Variants in ADAMTSL1 observed in about 807,000 individuals in gnomAD.
ADAMTSL1 encodes the protein ADAMTS like 1.
In ADAMTSL1, 126 loss-of-function variants were observed where a neutral mutation model predicts 201.8. That is an observed-to-expected ratio of 0.62 (90% confidence interval 0.54 to 0.72). The LOEUF (loss-of-function observed/expected upper bound fraction) is 0.72. Ranked by LOEUF, ADAMTSL1 falls within the 30% of genes least tolerant of loss-of-function variation. The pLI is 0.00. For synonymous variants in ADAMTSL1, 1,121 were observed against 903.4 expected (o/e 1.24, Z -4.32); for missense variants, 2,679 against 2,277.8 (o/e 1.18, Z -3.59).
At chr9:18,424,096 G>C (rs1265109893) in intron 2 of ADAMTSL1, among the ~76,000 whole-genome samples, 1 of 152,208 alleles carries the variant, frequency 6.6e-6, no homozygotes, top group Non-Finnish European at 1.5e-5. Context: ...TGGTATCTCT[G>C]AATGTCTTCT....
At chr9:18,372,781 A>T (rs184836878) in intron 2 of ADAMTSL1, among the ~76,000 whole-genome samples, 67 of 152,344 alleles carry the variant, frequency 4.4e-4, no homozygotes, top group African/African-American at 1.5e-3. Context: ...TCTAAAATAT[A>T]TGCTTTCTGT....
intron 1 of ADAMTSL1, among the ~76,000 whole-genome samples, chr9:18,482,433 C>G (rs1162218779): frequency 6.6e-6 from 1 of 152,210 alleles, no homozygotes. Flanking sequence ...TTCTGCCATT[C>G]TCCAGCTAAA....
At chr9:18,907,775 A>T (rs1170719467) in intron 28 of ADAMTSL1, 1 of 153,410 alleles carries the variant, frequency 6.5e-6, no homozygotes, top group Non-Finnish European at 1.5e-5. Context: ...GAGAGCGCCA[A>T]TATTCAACGC....
intron 21 of ADAMTSL1, among the ~76,000 whole-genome samples, chr9:18,818,405 G>A (rs1823998189): frequency 6.6e-6 from 1 of 152,176 alleles, no homozygotes; most frequent in South Asian, 2.1e-4. Flanking sequence ...ACCCATTTTA[G>A]AGTAAGTAGG....
chr9:18,348,321 C>T (rs1835814860), intron 2 of ADAMTSL1, among the ~76,000 whole-genome samples: 1 of 152,154 alleles, frequency 6.6e-6, no homozygotes, highest in Non-Finnish European at 1.5e-5. Flanking sequence ...GAATCAGCCA[C>T]ATTTGCACAC....
intron 20 of ADAMTSL1, among the ~76,000 whole-genome samples, chr9:18,805,999 C>A (rs1823092212): frequency 6.6e-6 from 1 of 152,184 alleles, no homozygotes; most frequent in Admixed American, 6.5e-5. Context: ...ACTGCCTTAG[C>A]CAAACAGAGA....
intron 4 of ADAMTSL1, among the ~76,000 whole-genome samples, chr9:18,585,482 A>G (rs1374885075): frequency 1.3e-5 from 2 of 152,064 alleles, no homozygotes; most frequent in South Asian, 2.1e-4. Flanking sequence ...ATTCTGTGGG[A>G]TAACTTTATT....
At chr9:18,028,335 A>T (rs1820788340) in intron 1 of ADAMTSL1, among the ~76,000 whole-genome samples, 1 of 152,032 alleles carries the variant, frequency 6.6e-6, no homozygotes, top group Non-Finnish European at 1.5e-5. Flanking sequence ...TTCTCTTGTA[A>T]GGCTGGTGTA....
intron 2 of ADAMTSL1, among the ~76,000 whole-genome samples, chr9:18,288,007 A>G (rs1170528174): frequency 6.6e-6 from 1 of 152,102 alleles, no homozygotes; most frequent in Admixed American, 6.6e-5. Context: ...TCTGCTTTGG[A>G]TCATACCTAG....
At chr9:18,248,823 T>C (rs1399859840) in intron 2 of ADAMTSL1, among the ~76,000 whole-genome samples, 1 of 152,158 alleles carries the variant, frequency 6.6e-6, no homozygotes, top group East Asian at 1.9e-4. Flanking sequence ...GAAAACAAGA[T>C]AGGATTAGGC....
chr9:18,646,675 T>C (rs1469342487), intron 7 of ADAMTSL1, among the ~76,000 whole-genome samples: 2 of 151,610 alleles, frequency 1.3e-5, no homozygotes, highest in African/African-American at 2.4e-5. Flanking sequence ...TGGTTCTGTT[T>C]ATATGCTGGA....
chr9:18,310,333 T>C (rs1365135971), intron 2 of ADAMTSL1, among the ~76,000 whole-genome samples: 1 of 84,008 alleles, frequency 1.2e-5, no homozygotes, highest in Admixed American at 1.7e-4. Flanking sequence ...AAAATTGACA[T>C]ATCGGATCTA....
At chr9:18,055,573 T>C (rs1262889316) in intron 1 of ADAMTSL1, among the ~76,000 whole-genome samples, 1 of 152,270 alleles carries the variant, frequency 6.6e-6, no homozygotes, top group African/African-American at 2.4e-5. Flanking sequence ...TGTTTGCTTT[T>C]CTATGGTTCC....
intron 8 of ADAMTSL1, among the ~76,000 whole-genome samples, chr9:18,661,011 C>T (rs538823489): frequency 2.0e-5 from 3 of 151,944 alleles, no homozygotes; most frequent in Middle Eastern, 3.2e-3. Flanking sequence ...ATGTATTTGG[C>T]AGATTGATTA....
intron 2 of ADAMTSL1, among the ~76,000 whole-genome samples, chr9:18,197,190 A>G (rs1312922617): frequency 2.0e-5 from 3 of 152,110 alleles, no homozygotes; most frequent in Admixed American, 6.6e-5. Context: ...GGCTTCTTTA[A>G]AGTAGTTTTT....
intron 1 of ADAMTSL1, among the ~76,000 whole-genome samples, chr9:17,965,673 A>G (rs540954747): frequency 6.6e-5 from 10 of 152,288 alleles, no homozygotes; most frequent in African/African-American, 2.2e-4. Flanking sequence ...TATGACTAAA[A>G]GGAGATTATT....
At chr9:18,831,367 C>T (rs7858656) in intron 23 of ADAMTSL1, among the ~76,000 whole-genome samples, 33,035 of 152,092 alleles carry the variant, frequency 0.22, 3,863 homozygotes, top group Non-Finnish European at 0.24. Flanking sequence ...ATTTTAGAAT[C>T]ACTATGAGAA....
chr9:18,123,892 C>T (rs1004020733), intron 1 of ADAMTSL1, among the ~76,000 whole-genome samples: 1 of 152,214 alleles, frequency 6.6e-6, no homozygotes, highest in East Asian at 1.9e-4. Context: ...ACAGTGACAG[C>T]ACAATTTTAC....
At chr9:18,761,730 C>G (rs1018508955) in intron 16 of ADAMTSL1, among the ~76,000 whole-genome samples, 2 of 152,166 alleles carry the variant, frequency 1.3e-5, no homozygotes, top group South Asian at 2.1e-4. Context: ...GACTTTGGAG[C>G]CTTGACTCCT....
Sources: allele counts gnomAD v4.1 joint callset (sites outside exome capture counted in the v4.1 genomes callset), GRCh38; gene constraint gnomAD v4.1.1; transcripts MANE v1.5; gene names NCBI Gene and HGNC (gene_info 2026-07-23, HGNC 2026-07-21).